CELF4: variants seen among roughly 807,000 people sequenced by gnomAD.
CELF4 encodes CUGBP Elav-like family member 4, also known as CUG-BP- and ETR-3-like factor 4.
Under a neutral mutation model 59.9 loss-of-function variants are expected in CELF4, and 18 were observed. The ratio of observed to expected loss-of-function variants is 0.30; its 90% CI spans 0.21 to 0.45. The LOEUF (loss-of-function observed/expected upper bound fraction) is 0.45. Among genes scored for constraint, CELF4 ranks in the 20% least tolerant of loss-of-function variants. The pLI is 1.00. For missense variants in CELF4, 456 were observed against 689.0 expected (o/e 0.66, Z 3.79); for synonymous variants, 261 against 267.1 (o/e 0.98, Z 0.22).
At chr18:37,453,629 T>A (rs979118827) in intron 2 of CELF4, among the ~76,000 whole-genome samples, 1 of 152,050 alleles carries the variant, frequency 6.6e-6, no homozygotes, top group Non-Finnish European at 1.5e-5. Context: ...TCAGGAGCAA[T>A]GGCAAGGAGG....
rs1042891779 is a variant in CELF4, at chr18:37,254,462, C to G, written c.1334-524G>C. ...TCTCCACCGCCGGCCCGGCCGCCCC[C>G]CTCGCCACCGCAGGTGCCCGGCTGT... On this transcript the variant is annotated intron_variant, in intron 11 of 12. Transcript: ENST00000420428. This position sits in a 1 kb window ranked among gnomAD's most constrained non-coding sequence, Gnocchi z 5.1. Among the ~76,000 whole-genome samples the G allele has an allele frequency of 2.0e-5, 3 of 151,970 alleles. No homozygotes were observed. The highest frequency in any genetic ancestry group is 4.4e-5 in the Non-Finnish European group (3 of 67,932).
chr18:37,491,563 A>G (rs1016900335), intron 1 of CELF4, among the ~76,000 whole-genome samples: 4 of 152,090 alleles, frequency 2.6e-5, no homozygotes, highest in African/African-American at 7.2e-5. Context: ...CTGGAGACCA[A>G]GAGGGACTAT....
chr18:37,497,941 G>T (rs1007712371), intron 1 of CELF4, among the ~76,000 whole-genome samples: 27 of 152,194 alleles, frequency 1.8e-4, no homozygotes, highest in African/African-American at 6.3e-4. Flanking sequence ...CCGAGATCTT[G>T]TGACCAGGTC....
At chr18:37,318,551 C>T (rs2096952842) in intron 3 of CELF4, among the ~76,000 whole-genome samples, 1 of 151,270 alleles carries the variant, frequency 6.6e-6, no homozygotes, top group Non-Finnish European at 1.5e-5. Flanking sequence ...GGTGATAGTG[C>T]TGACTCAGGG....
intron 6 of CELF4, 63 bp from the exon 7 acceptor site, chr18:37,273,226 G>A: frequency 6.4e-7 from 1 of 1,561,742 alleles, no homozygotes; most frequent in East Asian, 2.3e-5. Flanking sequence ...CCCGACAGGG[G>A]CCTCAGCTCC....
chr18:37,441,289 G>GTA (rs1280540458), intron 2 of CELF4, among the ~76,000 whole-genome samples: 1 of 151,862 alleles, frequency 6.6e-6, no homozygotes, highest in Non-Finnish European at 1.5e-5. Flanking sequence ...GTGTGTGTGT[G>GTA]TGTGTGTGTG....
At chr18:37,464,358 C>A (rs776497543) in intron 2 of CELF4, among the ~76,000 whole-genome samples, 11 of 152,184 alleles carry the variant, frequency 7.2e-5, no homozygotes, top group Non-Finnish European at 1.3e-4. Flanking sequence ...GGAGGCCTTT[C>A]TGATGCCTCC....
intron 1 of CELF4, among the ~76,000 whole-genome samples, chr18:37,530,824 C>T (rs778383478): frequency 2.0e-5 from 3 of 150,730 alleles, no homozygotes; most frequent in Non-Finnish European, 2.9e-5. Context: ...ACTTTTTCCT[C>T]GTTTGGGATC....
In CELF4 at chr18:37,243,246, A is replaced by G. The variant is rs1468428671; in HGVS notation, c.*1996T>C. 6.7e-6 allele frequency: 1 copy of G among 150,026 alleles called. No individual in the cohort carries two copies. Among genetic ancestry groups the G allele is most frequent in the Non-Finnish European group, 1.5e-5 (1 of 67,688 alleles). The allele number at this position is 150,026 out of a possible 1,614,324, so 9.3% of individuals were successfully genotyped here. On this transcript the variant is annotated 3_prime_UTR_variant, in exon 13 of 13. Transcript: ENST00000420428. ...TAAAAGGAGGAGTCAAGAGAAAAAA[A>G]GAAAATGAAAAACAACAACAACAAC...
intron 3 of CELF4, among the ~76,000 whole-genome samples, chr18:37,316,894 A>G (rs1438587630): frequency 6.6e-6 from 1 of 152,188 alleles, no homozygotes; most frequent in Non-Finnish European, 1.5e-5. Flanking sequence ...TAGGCCACCC[A>G]GAGTCCGAGA....
At chr18:37,277,735 C>T (rs907572063) in intron 3 of CELF4, among the ~76,000 whole-genome samples, 19 of 152,178 alleles carry the variant, frequency 1.2e-4, no homozygotes, top group Non-Finnish European at 1.9e-4. Context: ...TAAAACTCTT[C>T]TTTCCAGGCA....
At chr18:37,450,326 T>C (rs2099759712) in intron 2 of CELF4, among the ~76,000 whole-genome samples, 1 of 151,906 alleles carries the variant, frequency 6.6e-6, no homozygotes, top group African/African-American at 2.4e-5. Flanking sequence ...GCCCTCTCTT[T>C]GTGCTATACG....
At position 37,319,353 on chromosome 18, in the gene CELF4, T is replaced by C. The variant is rs1022916289; in HGVS notation, c.448+2450A>G. ...GAAGCATCTCTAACCCTCAACCAAC[T>C]GGACCTTGACTACCGGGGTCCTTAG... On this transcript the variant is annotated intron_variant, in intron 3 of 12. Transcript: ENST00000420428. Among the ~76,000 whole-genome samples, 6 of 152,330 alleles carry C rather than the reference T, an allele frequency of 3.9e-5. No homozygotes were observed. The East Asian group carries it at 1.2e-3, about 29-fold the overall frequency.
At chr18:37,345,689 C>T (rs76018442) in intron 2 of CELF4, among the ~76,000 whole-genome samples, 2,148 of 152,148 alleles carry the variant, frequency 0.014, 62 homozygotes, top group African/African-American at 0.049. Flanking sequence ...TGGTTGGGAA[C>T]CCCACCTCAA....
At chr18:37,264,633 CA>C in intron 10 of CELF4, 40 bp downstream of exon 10, 5 of 1,518,728 alleles carry the variant, frequency 3.3e-6, no homozygotes, top group South Asian at 2.4e-5. Context: ...TTGGGGACAA[CA>C]GGGGGAGGGA....
chr18:37,261,224 C>T (rs1376173683), intron 10 of CELF4, among the ~76,000 whole-genome samples: 1 of 151,638 alleles, frequency 6.6e-6, no homozygotes, highest in East Asian at 2.0e-4. Context: ...TGTCCTCCTG[C>T]CCAGCCCCCT....
chr18:37,341,097 C>T (rs2098006447), intron 2 of CELF4, among the ~76,000 whole-genome samples: 1 of 152,188 alleles, frequency 6.6e-6, no homozygotes. Context: ...AGTGAGGATT[C>T]AGTAGGGCAC....
chr18:37,260,066 A>T (rs1274989171), intron 10 of CELF4, among the ~76,000 whole-genome samples: 1 of 152,254 alleles, frequency 6.6e-6, no homozygotes, highest in African/African-American at 2.4e-5. Context: ...CAACCCTGTG[A>T]CATTATTATC....
intron 2 of CELF4, among the ~76,000 whole-genome samples, chr18:37,422,508 T>C (rs2099584297): frequency 1.3e-5 from 2 of 151,976 alleles, no homozygotes; most frequent in Admixed American, 6.6e-5. Flanking sequence ...CAGGAATAAG[T>C]GGGGGAACCA....
Sources: gnomAD v4.1 joint callset for allele counts (sites outside exome capture counted in the v4.1 genomes callset) on GRCh38, gnomAD v4.1.1 for gene constraint, Gnocchi (gnomAD v3.1) non-coding constraint, MANE v1.5 for transcripts, NCBI Gene and HGNC (gene_info 2026-07-23, HGNC 2026-07-21) for gene names.